The following C8orf34 variants were observed in gnomAD, a reference collection of about 807,000 sequenced individuals.
C8orf34 encodes the protein uncharacterized protein C8orf34.
In C8orf34, 65 loss-of-function variants were observed where a neutral mutation model predicts 68.3. The observed-to-expected ratio is 0.95, with a 90% CI of 0.78 to 1.17. C8orf34 has a LOEUF of 1.17. Ranked by LOEUF, C8orf34 falls within the 50% of genes most tolerant of loss-of-function variation. The pLI, the probability that C8orf34 is intolerant of heterozygous loss-of-function variation, is 0.00. For missense variants in C8orf34, 664 were observed against 655.4 expected (o/e 1.01, Z -0.14); for synonymous variants, 244 against 241.2 (o/e 1.01, Z -0.11).
chr8:68,552,516 T>A (rs144487075), intron 7 of C8orf34, among the ~76,000 whole-genome samples: 51 of 152,284 alleles, frequency 3.3e-4, no homozygotes, highest in African/African-American at 1.1e-3. Flanking sequence ...ACATAATTCA[T>A]TTTGTACACT....
chr8:68,592,342 T>C (rs929655005), intron 7 of C8orf34, among the ~76,000 whole-genome samples: 1 of 152,104 alleles, frequency 6.6e-6, no homozygotes, highest in African/African-American at 2.4e-5. Flanking sequence ...TGTTTCTTCA[T>C]AAAGATCTTG....
chr8:68,426,551 A>T (rs1253858080), intron 1 of C8orf34, among the ~76,000 whole-genome samples: 1 of 151,062 alleles, frequency 6.6e-6, no homozygotes, highest in Non-Finnish European at 1.5e-5. Context: ...AGAAAACAGA[A>T]AAAAAGCAAA....
chr8:68,570,014 T>G (rs1355703559), intron 7 of C8orf34, among the ~76,000 whole-genome samples: 2 of 152,184 alleles, frequency 1.3e-5, no homozygotes, highest in Admixed American at 6.5e-5. Context: ...GAGTCTCTTC[T>G]CATTGCACAC....
intron 1 of C8orf34, among the ~76,000 whole-genome samples, chr8:68,359,653 T>G (rs989888911): frequency 5.9e-5 from 9 of 152,184 alleles, no homozygotes; most frequent in Non-Finnish European, 1.2e-4. Context: ...CACCCCTCTC[T>G]CTTTTTAAGG....
intron 5 of C8orf34, among the ~76,000 whole-genome samples, chr8:68,518,900 A>T (rs1814631341): frequency 6.6e-6 from 1 of 151,780 alleles, no homozygotes; most frequent in Non-Finnish European, 1.5e-5. Context: ...AAAAAAAAAA[A>T]AAAGGCAAGT....
At chr8:68,412,204 G>T (rs2129622264) in intron 1 of C8orf34, among the ~76,000 whole-genome samples, 1 of 152,270 alleles carries the variant, frequency 6.6e-6, no homozygotes, top group South Asian at 2.1e-4. Context: ...ACTAAGACAG[G>T]ACTAGCTACC....
intron 7 of C8orf34, among the ~76,000 whole-genome samples, chr8:68,576,238 A>T (rs1346802116): frequency 6.6e-6 from 1 of 151,796 alleles, no homozygotes; most frequent in African/African-American, 2.4e-5. Context: ...TGATTATTAG[A>T]CTAACATTGT....
At chr8:68,523,937 C>A (rs1240509907) in intron 6 of C8orf34, among the ~76,000 whole-genome samples, 1 of 152,134 alleles carries the variant, frequency 6.6e-6, no homozygotes, top group Non-Finnish European at 1.5e-5. Flanking sequence ...TTCACCTCAC[C>A]CTCTCCACTG....
chr8:68,551,679 G>A (rs1225167040), intron 7 of C8orf34, among the ~76,000 whole-genome samples: 1 of 152,042 alleles, frequency 6.6e-6, no homozygotes, highest in Non-Finnish European at 1.5e-5. Context: ...GTGTAAGATG[G>A]GGATGGGGGA....
chr8:68,467,741 A>G (rs1812210394), intron 3 of C8orf34, among the ~76,000 whole-genome samples: 1 of 151,944 alleles, frequency 6.6e-6, no homozygotes, highest in South Asian at 2.1e-4. Context: ...AAAGTATCCT[A>G]ATTTGTTCCC....
At chr8:68,551,451 A>T (rs1314504572) in intron 7 of C8orf34, among the ~76,000 whole-genome samples, 2 of 151,948 alleles carry the variant, frequency 1.3e-5, no homozygotes, top group Admixed American at 1.3e-4. Flanking sequence ...TTACTGTATT[A>T]ATCATGGTTT....
intron 7 of C8orf34, among the ~76,000 whole-genome samples, chr8:68,616,428 G>A (rs2130601754): frequency 6.6e-6 from 1 of 152,276 alleles, no homozygotes; most frequent in South Asian, 2.1e-4. Flanking sequence ...TGGGCATTTA[G>A]TGCTATAAAT....
chr8:68,750,293 G>A (rs1822665730), intron 10 of C8orf34, among the ~76,000 whole-genome samples: 1 of 152,070 alleles, frequency 6.6e-6, no homozygotes, highest in Non-Finnish European at 1.5e-5. Flanking sequence ...GAGTTCTATT[G>A]CATGCTGCAA....
rs1476516257 is a variant in C8orf34 at position 68,747,466 on chromosome 8, G to C, written c.1404+26029G>C. On this transcript the variant is annotated intron_variant, in intron 10 of 13. Transcript: ENST00000518698. ...AATTGTCCCTGTTTGTAGACGACAT[G>C]ATTGTATATCTAGAAAACCCCATTG... 3.2e-3 allele frequency among the ~76,000 whole-genome samples: 465 copies of C among 144,228 alleles called. 1 individual carries two copies. Among genetic ancestry groups the C allele is most frequent in the Non-Finnish European group, 4.8e-3 (306 of 64,364 alleles). The allele number at this position is 144,228 out of a possible 152,430, so 94.6% of individuals were successfully genotyped here.
chr8:68,509,692 C>A (rs1225986104), intron 5 of C8orf34, among the ~76,000 whole-genome samples: 2 of 152,148 alleles, frequency 1.3e-5, no homozygotes, highest in South Asian at 4.1e-4. Context: ...GAATGGCTAA[C>A]CCATCTAGAA....
At chr8:68,611,511 T>G (rs1586447969) in intron 7 of C8orf34, among the ~76,000 whole-genome samples, 1 of 152,272 alleles carries the variant, frequency 6.6e-6, no homozygotes, top group South Asian at 2.1e-4. Context: ...ATTGTAACCA[T>G]AAAGCATTCA....
intron 1 of C8orf34, among the ~76,000 whole-genome samples, chr8:68,423,084 A>G (rs1331677167): frequency 2.6e-5 from 4 of 152,194 alleles, no homozygotes; most frequent in Non-Finnish European, 4.4e-5. Context: ...AGTCTCTGAC[A>G]TGCGCAGAGA....
At chr8:68,812,891 T>A (rs570997358) in intron 12 of C8orf34, among the ~76,000 whole-genome samples, 3 of 152,324 alleles carry the variant, frequency 2.0e-5, no homozygotes, top group Admixed American at 2.0e-4. Flanking sequence ...ATAAGTGGTT[T>A]GTTGATATCT....
At chr8:68,563,514 G>A (rs1323964931) in intron 7 of C8orf34, among the ~76,000 whole-genome samples, 3 of 152,062 alleles carry the variant, frequency 2.0e-5, no homozygotes, top group African/African-American at 4.8e-5. Context: ...GTTTTTAAAA[G>A]GTGTTTTCTT....
Sources: allele counts gnomAD v4.1 joint callset (sites outside exome capture counted in the v4.1 genomes callset), GRCh38; gene constraint gnomAD v4.1.1; transcripts MANE v1.5; gene names NCBI Gene and HGNC (gene_info 2026-07-23, HGNC 2026-07-21).